GALNT13: variants seen among roughly 807,000 people sequenced by gnomAD.
GALNT13 encodes polypeptide N-acetylgalactosaminyltransferase 13.
GALNT13 carries 28 observed loss-of-function variants against 64.2 expected under a neutral mutation model. The observed-to-expected ratio is 0.44, with a 90% CI of 0.32 to 0.60. The LOEUF is 0.60. GALNT13 is among the 20% of genes least tolerant of loss of function. GALNT13 has a pLI of 0.05. For missense variants in GALNT13, 577 were observed against 669.8 expected, an observed-to-expected ratio of 0.86 and a Z score of 1.53; for synonymous variants, 214 against 224.6, an observed-to-expected ratio of 0.95 and a Z score of 0.42.
chr2:153,913,838 C>T (rs893769343), intron 2 of GALNT13, among the ~76,000 whole-genome samples: 1 of 152,150 alleles, frequency 6.6e-6, no homozygotes. Flanking sequence ...AAGATATGCT[C>T]AGAGGACTCC....
intron 9 of GALNT13, among the ~76,000 whole-genome samples, chr2:154,367,834 A>G (rs1158256513): frequency 6.6e-6 from 1 of 152,206 alleles, no homozygotes; most frequent in Non-Finnish European, 1.5e-5. Flanking sequence ...AATTCTCTGA[A>G]GCAGAATAAT....
At chr2:153,788,091 C>T in the GALNT13 span, among the ~76,000 whole-genome samples, 2 of 152,018 alleles carry the variant, frequency 1.3e-5, no homozygotes, top group East Asian at 3.9e-4. Context: ...TGCAGAAAAC[C>T]TCTGGCTTGG....
the GALNT13 span, among the ~76,000 whole-genome samples, chr2:153,677,284 TACACACACACACAC>T: frequency 1.0e-3 from 148 of 144,526 alleles, no homozygotes; most frequent in Middle Eastern, 3.5e-3. Context: ...ACAATAGACA[TACACACACACACAC>T]ACACACACAC....
the GALNT13 span, among the ~76,000 whole-genome samples, chr2:153,693,841 G>A: frequency 2.0e-5 from 3 of 152,010 alleles, no homozygotes; most frequent in Non-Finnish European, 2.9e-5. Flanking sequence ...TCGGCTGGGC[G>A]CGGTGGCTCA....
chr2:153,195,641 C>T, the GALNT13 span, among the ~76,000 whole-genome samples: 2 of 152,200 alleles, frequency 1.3e-5, no homozygotes, highest in Non-Finnish European at 2.9e-5. Flanking sequence ...GTCTGGGCAC[C>T]CCAAAGGGCC....
chr2:153,543,481 G>A, the GALNT13 span, among the ~76,000 whole-genome samples: 1 of 152,148 alleles, frequency 6.6e-6, no homozygotes, highest in African/African-American at 2.4e-5. Context: ...ATCTTGTAAT[G>A]TAAATTATAT....
the GALNT13 span, among the ~76,000 whole-genome samples, chr2:153,124,754 G>A: frequency 1.3e-5 from 2 of 151,874 alleles, no homozygotes; most frequent in African/African-American, 2.4e-5. Context: ...TGCCCACCTC[G>A]GCCTCCCAAA....
the GALNT13 span, among the ~76,000 whole-genome samples, chr2:153,094,514 C>A: frequency 6.6e-6 from 1 of 152,168 alleles, no homozygotes; most frequent in Admixed American, 6.5e-5. Context: ...CAATGACTTT[C>A]TTCACAGAAT....
At chr2:153,664,184 G>A in the GALNT13 span, among the ~76,000 whole-genome samples, 1 of 152,132 alleles carries the variant, frequency 6.6e-6, no homozygotes, top group African/African-American at 2.4e-5. Flanking sequence ...CACTGCAGGA[G>A]ACCAGGGCAT....
intron 3 of GALNT13, among the ~76,000 whole-genome samples, chr2:153,985,468 A>G (rs182593216): frequency 1.2e-4 from 18 of 151,974 alleles, no homozygotes; most frequent in Non-Finnish European, 2.2e-4. Context: ...TTGATAATTT[A>G]CATATGGATT....
chr2:153,609,084 G>GT, the GALNT13 span, among the ~76,000 whole-genome samples: 1 of 142,668 alleles, frequency 7.0e-6, no homozygotes, highest in Admixed American at 6.8e-5. Flanking sequence ...GACCAGCTAA[G>GT]TTTTTTTGTT....
chr2:153,371,005 T>C, the GALNT13 span: 2 of 215,488 alleles, frequency 9.3e-6, no homozygotes, highest in Non-Finnish European at 2.0e-5. Context: ...GAAGAAGACA[T>C]TTGTTTGACT....
chr2:153,910,585 T>G (rs554309006), intron 2 of GALNT13, among the ~76,000 whole-genome samples: 1 of 152,266 alleles, frequency 6.6e-6, no homozygotes, highest in African/African-American at 2.4e-5. Context: ...GCTTCAAATT[T>G]TCATCTTAAC....
At chr2:153,412,623 C>T in the GALNT13 span, among the ~76,000 whole-genome samples, 1 of 152,182 alleles carries the variant, frequency 6.6e-6, no homozygotes, top group Non-Finnish European at 1.5e-5. Context: ...TGTTTCTCTC[C>T]TCTACACATT....
At chr2:154,151,063 AT>A (rs1683982771) in intron 4 of GALNT13, among the ~76,000 whole-genome samples, 3 of 152,270 alleles carry the variant, frequency 2.0e-5, no homozygotes, top group Admixed American at 2.0e-4. Flanking sequence ...TCTTATGGGC[AT>A]TTAGTGCTAT....
intron 6 of GALNT13, among the ~76,000 whole-genome samples, chr2:154,245,049 T>C (rs938204673): frequency 1.3e-5 from 2 of 151,730 alleles, no homozygotes; most frequent in African/African-American, 4.8e-5. Context: ...GAGTTTGCAC[T>C]GATCTGAGAT....
At chr2:154,201,073 G>T (rs558766669) in intron 4 of GALNT13, among the ~76,000 whole-genome samples, 52 of 152,128 alleles carry the variant, frequency 3.4e-4, no homozygotes, top group African/African-American at 1.2e-3. Context: ...CACATCAAGT[G>T]GTATATATAA....
At chr2:153,184,188 T>C in the GALNT13 span, among the ~76,000 whole-genome samples, 1 of 152,192 alleles carries the variant, frequency 6.6e-6, no homozygotes, top group South Asian at 2.1e-4. Context: ...GTTATTTACT[T>C]CCATTGTTAG....
At chr2:153,672,380 A>G in the GALNT13 span, among the ~76,000 whole-genome samples, 15 of 152,352 alleles carry the variant, frequency 9.8e-5, no homozygotes, top group African/African-American at 3.4e-4. Flanking sequence ...ATCAAATTAG[A>G]AATCAGCATT....
Sources: allele counts gnomAD v4.1 joint callset (sites outside exome capture counted in the v4.1 genomes callset), GRCh38; gene constraint gnomAD v4.1.1; transcripts MANE v1.5; gene names NCBI Gene and HGNC (gene_info 2026-07-23, HGNC 2026-07-21).